Variants in RBFOX2 observed in about 807,000 individuals in gnomAD.
The protein encoded by RBFOX2 is RNA binding protein fox-1 homolog 2.
In RBFOX2, 10 loss-of-function variants were observed where a neutral mutation model predicts 49.1. That is an observed-to-expected ratio of 0.20 (90% CI 0.13 to 0.35). The LOEUF is 0.35. RBFOX2 is among the 10% of genes least tolerant of loss of function. The pLI is 1.00. For missense variants in RBFOX2, 323 were observed against 486.9 expected (o/e 0.66, Z 3.17); for synonymous variants, 183 against 187.4 (o/e 0.98, Z 0.19).
intron 2 of RBFOX2, among the ~76,000 whole-genome samples, chr22:35,784,625 C>T (rs1361217204): frequency 6.6e-6 from 1 of 152,258 alleles, no homozygotes; most frequent in Non-Finnish European, 1.5e-5. Flanking sequence ...AAGACAGATG[C>T]TTGGTGGTCA....
chr22:35,933,303 G>A lies in RBFOX2; in HGVS notation c.-34+5544C>T, dbSNP rs762510663. On this transcript the variant is annotated intron_variant, in intron 1 of 13. Transcript: ENST00000359369. ...GAAGATCAAAAGTGGATATACACAG[G>A]AGGGTTTTGTAAACTGTAAAGCAGT... is the stretch of plus-strand genomic sequence containing the variant. 5.6e-4 allele frequency among the ~76,000 whole-genome samples: 85 copies of A among 152,194 alleles called. 1 individual carries two copies. The highest frequency in any genetic ancestry group is 1.1e-3 in the Admixed American group (17 of 15,280).
At chr22:35,929,499 ATAT>A (rs1324628745) in intron 1 of RBFOX2, among the ~76,000 whole-genome samples, 2 of 152,174 alleles carry the variant, frequency 1.3e-5, no homozygotes, top group East Asian at 3.8e-4. Flanking sequence ...CTATAATGAA[ATAT>A]TATTTAGCAA....
chr22:35,846,170 A>G (rs544046115), intron 1 of RBFOX2, among the ~76,000 whole-genome samples: 25 of 149,966 alleles, frequency 1.7e-4, no homozygotes, highest in African/African-American at 6.1e-4. Flanking sequence ...ATACACTATA[A>G]TTATAAACTT....
intron 1 of RBFOX2, among the ~76,000 whole-genome samples, chr22:35,829,589 G>C (rs1411576063): frequency 6.6e-6 from 1 of 151,990 alleles, no homozygotes; most frequent in Non-Finnish European, 1.5e-5. Context: ...GAGGGAAAAA[G>C]ACCTAAAAGA....
chr22:35,832,403 C>CA (rs1477417394), intron 1 of RBFOX2, among the ~76,000 whole-genome samples: 1 of 152,040 alleles, frequency 6.6e-6, no homozygotes, highest in Admixed American at 6.6e-5. Context: ...TGACTAAAGC[C>CA]AAACATGTTA....
At position 35,855,429 on chromosome 22, in the gene RBFOX2, C is replaced by T. The variant is rs140528026; in HGVS notation, c.-33-45425G>A. Among the ~76,000 whole-genome samples, 101 of 151,918 alleles carry T rather than the reference C, an allele frequency of 6.6e-4. No homozygotes were observed. In the East Asian group the frequency reaches 0.015, roughly 23 times the overall value. On this transcript the variant is annotated intron_variant, in intron 1 of 13. Transcript: ENST00000359369. ...ACCAATTCACTTTTTTTTTCTGAGACGGGGTCTCACTCTGTCACCCAGGTT... is the reference window on the plus strand; with the variant it reads ...ACCAATTCACTTTTTTTTTCTGAGATGGGGTCTCACTCTGTCACCCAGGTT...
chr22:35,811,238 T>C (rs556190927), intron 1 of RBFOX2, among the ~76,000 whole-genome samples: 8 of 152,332 alleles, frequency 5.3e-5, no homozygotes, highest in East Asian at 3.9e-4. Flanking sequence ...GGCAGAGTCA[T>C]AGACTGAGTT....
At chr22:35,828,363 A>T (rs1214574038) in intron 1 of RBFOX2, among the ~76,000 whole-genome samples, 1 of 152,170 alleles carries the variant, frequency 6.6e-6, no homozygotes, top group Non-Finnish European at 1.5e-5. Flanking sequence ...TGCAGCAGAG[A>T]AGGAAGGACC....
Position 36,028,235 on chromosome 22 carries a change from G to A in RBFOX2, c.186+5C>T. On this transcript the variant is annotated splice_donor_5th_base_variant and intron_variant, in intron 1 of 13. Transcript: ENST00000438146. ...ATAACTGGGCGCCCCGTCCCGCGCG[G>A]TCACCTGCATCCCGCCGCCACCGTC... is the stretch of plus-strand genomic sequence containing the variant. The A allele has an allele frequency of 1.3e-6, 2 of 1,508,552 alleles. No homozygotes were observed. Among genetic ancestry groups the A allele is most frequent in the Non-Finnish European group, 1.8e-6 (2 of 1,136,992 alleles). 93.4% of individuals were successfully genotyped at this position (1,508,552 alleles called of 1,614,324 possible).
In RBFOX2 at chr22:35,923,654, T is replaced by C. The variant is rs866337116; in HGVS notation, c.-34+15193A>G. 2.6e-5 allele frequency among the ~76,000 whole-genome samples: 4 copies of C among 152,246 alleles called. No homozygotes were observed. The South Asian group carries it at 6.2e-4, about 24-fold the overall frequency. On this transcript the variant is annotated intron_variant, in intron 1 of 13. Transcript: ENST00000359369. ...GCCACTTATTACCACCCTTGGCAAA[T>C]CTCTCAGGAAACTGCAAATCTTGAT...
At chr22:35,954,558 G>T (rs577889787) in intron 1 of RBFOX2, among the ~76,000 whole-genome samples, 1 of 152,092 alleles carries the variant, frequency 6.6e-6, no homozygotes, top group Non-Finnish European at 1.5e-5. Flanking sequence ...CCAGGGCCAG[G>T]GTTAACTACC....
chr22:36,028,377 C>A, exon 1 of RBFOX2: 2 of 1,350,564 alleles, frequency 1.5e-6, no homozygotes, highest in Non-Finnish European at 1.9e-6. Context: ...CGGGCGGCGG[C>A]GCCGGGCCCG....
chr22:36,011,750 A>C (rs1190737818), intron 1 of RBFOX2, among the ~76,000 whole-genome samples: 1 of 152,186 alleles, frequency 6.6e-6, no homozygotes, highest in Non-Finnish European at 1.5e-5. Flanking sequence ...ATATGCATTA[A>C]GAAAATGTAA....
Position 35,982,711 on chromosome 22 carries a change from T to A in RBFOX2, c.187-43814A>T, listed in dbSNP as rs548556063. Among the ~76,000 whole-genome samples, 6 of 151,888 alleles carry A rather than the reference T, an allele frequency of 4.0e-5. No individual in the cohort carries two copies. In the East Asian group the frequency reaches 1.2e-3, roughly 29 times the overall value. On this transcript the variant is annotated intron_variant, in intron 1 of 13. Coordinates refer to the RBFOX2 transcript ENST00000438146. ...GAACATGTTGAGTGCAACAGTTATATAAGAAAAATCATTCTTTAATAGTCT... is the reference window on the plus strand; with the variant it reads ...GAACATGTTGAGTGCAACAGTTATAAAAGAAAAATCATTCTTTAATAGTCT...
intron 1 of RBFOX2, among the ~76,000 whole-genome samples, chr22:36,025,375 TTCTCTCCCTTTCCA>T (rs1471403562): frequency 6.6e-6 from 1 of 152,166 alleles, no homozygotes; most frequent in Admixed American, 6.5e-5. Context: ...ACCATCTTCA[TTCTCTCCCTTTCCA>T]TCTCTCCCTT....
chr22:35,924,783 T>C (rs2051426589), intron 1 of RBFOX2, among the ~76,000 whole-genome samples: 1 of 152,248 alleles, frequency 6.6e-6, no homozygotes, highest in African/African-American at 2.4e-5. Flanking sequence ...TCAAGAAAAC[T>C]AAGAAGCATG....
At chr22:35,842,904 G>A (rs768146672), upstream of RBFOX2, among the ~76,000 whole-genome samples, 1 of 152,114 alleles carries the variant, frequency 6.6e-6, no homozygotes, top group Non-Finnish European at 1.5e-5. Flanking sequence ...AGGAATTCAT[G>A]CTACTTTTCT....
At chr22:35,859,448 A>AG (rs1218783180) in intron 1 of RBFOX2, among the ~76,000 whole-genome samples, 1 of 152,214 alleles carries the variant, frequency 6.6e-6, no homozygotes, top group Non-Finnish European at 1.5e-5. Flanking sequence ...ATTGATTCTA[A>AG]GGTACTGAGA....
At chr22:35,841,850 C>T (rs1011161371), upstream of RBFOX2, among the ~76,000 whole-genome samples, 6 of 152,022 alleles carry the variant, frequency 3.9e-5, no homozygotes, top group African/African-American at 9.7e-5. Context: ...TAGTTTTTTG[C>T]TGTCTCCATA....
Sources: gnomAD v4.1 joint callset for allele counts (sites outside exome capture counted in the v4.1 genomes callset) on GRCh38, gnomAD v4.1.1 for gene constraint, MANE v1.5 for transcripts, NCBI Gene and HGNC (gene_info 2026-07-23, HGNC 2026-07-21) for gene names.